Variants in QTGAL observed in about 807,000 individuals in gnomAD.
The protein encoded by QTGAL is BGnT-like protein 1.
At chr17:82,997,130 T>C in the QTGAL span, among the ~76,000 whole-genome samples, 1 of 152,008 alleles carries the variant, frequency 6.6e-6, no homozygotes, top group Non-Finnish European at 1.5e-5. Flanking sequence ...TGGGAGAAAA[T>C]ATTTGTAAAT....
the QTGAL span, among the ~76,000 whole-genome samples, chr17:82,954,397 C>T: frequency 6.6e-6 from 1 of 151,612 alleles, no homozygotes; most frequent in Admixed American, 6.6e-5. Context: ...ACAATTGCTA[C>T]AAAGAAAATA....
the QTGAL span, among the ~76,000 whole-genome samples, chr17:82,986,332 A>G: frequency 6.6e-6 from 1 of 152,146 alleles, no homozygotes; most frequent in South Asian, 2.1e-4. Flanking sequence ...CTCCGCCCCC[A>G]CCATACGCTG....
chr17:82,947,457 G>C, the QTGAL span: 1 of 157,204 alleles, frequency 6.4e-6, no homozygotes, highest in African/African-American at 2.4e-5. Context: ...CCCTGCAATG[G>C]AGTGAGGGCT....
the QTGAL span, among the ~76,000 whole-genome samples, chr17:82,946,302 C>T: frequency 6.6e-6 from 1 of 152,150 alleles, no homozygotes; most frequent in South Asian, 2.1e-4. Context: ...CTGTTAATGA[C>T]AAAGTTCTCC....
chr17:82,965,504 C>T, the QTGAL span: 3 of 778,588 alleles, frequency 3.9e-6, no homozygotes, highest in South Asian at 3.3e-5. Flanking sequence ...GGAGGGGGCA[C>T]CGGGAGGACC....
the QTGAL span, chr17:83,049,255 AAAAACAAAAC>A: frequency 6.5e-6 from 1 of 154,550 alleles, no homozygotes; most frequent in Non-Finnish European, 1.4e-5. Flanking sequence ...TCTGTCTCAA[AAAAACAAAAC>A]AAAACAAAAC....
At chr17:83,034,126 GA>G in the QTGAL span, among the ~76,000 whole-genome samples, 2 of 152,110 alleles carry the variant, frequency 1.3e-5, no homozygotes, top group Non-Finnish European at 2.9e-5. Context: ...TTTTAGTAGA[GA>G]CAGGGTTTTG....
chr17:83,048,732 C>T, the QTGAL span: 3 of 1,614,156 alleles, frequency 1.9e-6, no homozygotes, highest in South Asian at 3.3e-5. Context: ...GCAAAACAGA[C>T]CTCAAACATT....
the QTGAL span, among the ~76,000 whole-genome samples, chr17:82,966,591 G>A: frequency 3.7e-4 from 56 of 152,244 alleles, no homozygotes; most frequent in Middle Eastern, 0.014. Context: ...CATCAGGGGC[G>A]TCAGTGGTGG....
At chr17:82,981,319 G>A in the QTGAL span, 1 of 152,270 alleles carries the variant, frequency 6.6e-6, no homozygotes, top group East Asian at 1.9e-4. Flanking sequence ...GTGGCTCAGA[G>A]GAGTCGGCGC....
At chr17:82,969,357 C>T in the QTGAL span, among the ~76,000 whole-genome samples, 199 of 152,122 alleles carry the variant, frequency 1.3e-3, 1 homozygote, top group African/African-American at 4.0e-3. Flanking sequence ...CAGGGTTTCG[C>T]TACATTGCCC....
At chr17:83,024,669 G>A in the QTGAL span, among the ~76,000 whole-genome samples, 7 of 152,390 alleles carry the variant, frequency 4.6e-5, no homozygotes, top group African/African-American at 1.4e-4. Context: ...CGCCCCCGGG[G>A]CTGAGACTGC....
At chr17:83,006,346 G>A in the QTGAL span, 8 of 985,494 alleles carry the variant, frequency 8.1e-6, no homozygotes, top group Non-Finnish European at 9.6e-6. The surrounding 1 kb of genome is among the most constrained non-coding windows in gnomAD (Gnocchi z 5.8). Context: ...GCTTGGGGGA[G>A]GCTTCTGTTT....
the QTGAL span, chr17:82,965,747 C>T: frequency 6.2e-7 from 1 of 1,610,016 alleles, no homozygotes; most frequent in African/African-American, 1.3e-5. Flanking sequence ...AGGTGAAAAC[C>T]TAGAAGCAAT....
the QTGAL span, among the ~76,000 whole-genome samples, chr17:82,971,106 C>G: frequency 6.6e-6 from 1 of 152,164 alleles, no homozygotes; most frequent in Non-Finnish European, 1.5e-5. Flanking sequence ...CCCAGCACCT[C>G]CCACACAGCC....
the QTGAL span, among the ~76,000 whole-genome samples, chr17:83,040,611 A>G: frequency 6.6e-6 from 1 of 152,222 alleles, no homozygotes; most frequent in Non-Finnish European, 1.5e-5. Flanking sequence ...CTGGTGTAAG[A>G]TTTCTTATTA....
the QTGAL span, among the ~76,000 whole-genome samples, chr17:83,034,393 G>A: frequency 6.6e-6 from 1 of 152,184 alleles, no homozygotes; most frequent in Non-Finnish European, 1.5e-5. Flanking sequence ...TACTTACCAT[G>A]ATTAACTCAT....
At chr17:83,035,033 A>T in the QTGAL span, 55 of 1,600,294 alleles carry the variant, frequency 3.4e-5, no homozygotes, top group Non-Finnish European at 4.7e-5. Context: ...AAAGTTACTT[A>T]CCGAATCCAA....
the QTGAL span, chr17:82,957,281 CAGGCCG>C: frequency 6.2e-7 from 1 of 1,614,134 alleles, no homozygotes; most frequent in Non-Finnish European, 8.5e-7. Flanking sequence ...CAGCTCTGGA[CAGGCCG>C]GGGCCAGGGC....
Sources: allele counts gnomAD v4.1 joint callset (sites outside exome capture counted in the v4.1 genomes callset), GRCh38; gene constraint gnomAD v4.1.1; non-coding constraint Gnocchi (gnomAD v3.1); transcripts MANE v1.5; gene names NCBI Gene and HGNC (gene_info 2026-07-23, HGNC 2026-07-21).